Variants in RALYL observed in about 807,000 individuals in gnomAD.
RALYL encodes the protein RALY RNA binding protein like.
RALYL carries 29 observed loss-of-function variants against 35.1 expected under a neutral mutation model. That is an observed-to-expected ratio of 0.83 (90% confidence interval 0.61 to 1.13). The LOEUF (loss-of-function observed/expected upper bound fraction) is 1.13, where lower values mean the gene tolerates loss of function less well. RALYL is among the 50% of genes most tolerant of loss of function. The probability of loss-of-function intolerance (pLI) is 0.00; values close to 1 mark genes in which losing one functional copy is unlikely to be tolerated. For synonymous variants in RALYL, 120 were observed against 127.6 expected, an observed-to-expected ratio of 0.94 and a Z score of 0.40; for missense variants, 359 against 360.4, an observed-to-expected ratio of 1.00 and a Z score of 0.03.
At chr8:84,414,476 G>A (rs536103918) in intron 1 of RALYL, among the ~76,000 whole-genome samples, 23 of 152,274 alleles carry the variant, frequency 1.5e-4, no homozygotes, top group African/African-American at 5.3e-4. Flanking sequence ...AAGAGGTAAA[G>A]TAAATATTTT....
intron 2 of RALYL, among the ~76,000 whole-genome samples, chr8:84,695,295 A>AAATATATACATAATTATTACTTATG (rs1467790972): frequency 2.6e-5 from 4 of 151,766 alleles, no homozygotes; most frequent in African/African-American, 4.8e-5. Context: ...TTTTTATAAT[A>AAATATATACATAATTATTACTTATG]TCCTCTAAGA....
chr8:84,224,801 C>A (rs1024713759), intron 1 of RALYL, among the ~76,000 whole-genome samples: 1 of 151,936 alleles, frequency 6.6e-6, no homozygotes, highest in African/African-American at 2.4e-5. Context: ...GGACTACAGG[C>A]GTGTGCCACC....
At chr8:84,516,769 G>A (rs561395887) in intron 1 of RALYL, among the ~76,000 whole-genome samples, 2 of 152,148 alleles carry the variant, frequency 1.3e-5, no homozygotes, top group South Asian at 2.1e-4. Context: ...TTCAGCTGGG[G>A]ATTCTGGTTT....
At chr8:84,751,915 A>G (rs1003898211) in intron 2 of RALYL, among the ~76,000 whole-genome samples, 2 of 152,180 alleles carry the variant, frequency 1.3e-5, no homozygotes, top group African/African-American at 4.8e-5. Context: ...AGAACAGACT[A>G]ATATAGAAAA....
intron 2 of RALYL, among the ~76,000 whole-genome samples, chr8:84,608,984 A>G (rs1817734751): frequency 6.6e-6 from 1 of 152,098 alleles, no homozygotes; most frequent in Admixed American, 6.6e-5. Flanking sequence ...GAGTTGAAGC[A>G]ATTTGCCCCC....
intron 2 of RALYL, among the ~76,000 whole-genome samples, chr8:84,646,912 TTTTG>T (rs1460774381): frequency 6.6e-6 from 1 of 152,054 alleles, no homozygotes; most frequent in African/African-American, 2.4e-5. Flanking sequence ...TTGATGATGA[TTTTG>T]TTTGTGTTTT....
intron 1 of RALYL, among the ~76,000 whole-genome samples, chr8:84,496,176 A>G (rs1469052897): frequency 6.6e-6 from 1 of 152,122 alleles, no homozygotes; most frequent in Non-Finnish European, 1.5e-5. Flanking sequence ...AGAACTCCAC[A>G]ACTCTACTAA....
chr8:84,243,141 C>T (rs1318227543), intron 1 of RALYL, among the ~76,000 whole-genome samples: 1 of 152,050 alleles, frequency 6.6e-6, no homozygotes, highest in Non-Finnish European at 1.5e-5. Flanking sequence ...GATGTGAAGT[C>T]TTATTTCTGA....
intron 2 of RALYL, among the ~76,000 whole-genome samples, chr8:84,654,678 C>G (rs1286013192): frequency 6.6e-6 from 1 of 152,024 alleles, no homozygotes; most frequent in African/African-American, 2.4e-5. Context: ...TGAGGACATA[C>G]AACATTTATC....
chr8:84,782,176 C>A (rs1171331319), intron 3 of RALYL, among the ~76,000 whole-genome samples: 2 of 152,148 alleles, frequency 1.3e-5, no homozygotes, highest in Admixed American at 1.3e-4. Flanking sequence ...AATTTATCAT[C>A]CTATAAAATT....
intron 1 of RALYL, among the ~76,000 whole-genome samples, chr8:84,197,735 C>G (rs992742715): frequency 1.3e-5 from 2 of 150,720 alleles, no homozygotes; most frequent in African/African-American, 4.9e-5. Flanking sequence ...TTCGAGACTG[C>G]CTGGGCAATA....
intron 3 of RALYL, among the ~76,000 whole-genome samples, chr8:84,774,996 C>G (rs1382801008): frequency 6.6e-6 from 1 of 152,126 alleles, no homozygotes; most frequent in Non-Finnish European, 1.5e-5. Context: ...GTTGCCCAGG[C>G]TGGAGTGCAG....
intron 2 of RALYL, among the ~76,000 whole-genome samples, chr8:84,698,600 T>A (rs1208503901): frequency 6.6e-6 from 1 of 151,972 alleles, no homozygotes; most frequent in Admixed American, 6.6e-5. Context: ...ATGAATTTTA[T>A]ATAGATAAAA....
chr8:84,753,074 G>A (rs1191016129), intron 2 of RALYL, among the ~76,000 whole-genome samples: 4 of 152,104 alleles, frequency 2.6e-5, no homozygotes, highest in Non-Finnish European at 4.4e-5. Flanking sequence ...ATGACAACAG[G>A]GGCAAAACTG....
In RALYL at chr8:84,568,156, G is replaced by A. The variant is rs571801501; in HGVS notation, c.256+38579G>A. ...GTTGGGGTGCTGCACCCATTAACTC[G>A]TCATTTACATTAGGTATATCTCCCT... On this transcript the variant is annotated intron_variant, in intron 2 of 8. Transcript: ENST00000521268. 8.8e-3 allele frequency among the ~76,000 whole-genome samples: 1,279 copies of A among 145,836 alleles called. 11 individuals are homozygous for A. The highest frequency in any genetic ancestry group is 0.014 in the Non-Finnish European group (906 of 66,442).
At chr8:84,230,582 C>G (rs565280619) in intron 1 of RALYL, among the ~76,000 whole-genome samples, 1 of 152,168 alleles carries the variant, frequency 6.6e-6, no homozygotes, top group East Asian at 1.9e-4. Context: ...AGTTATTCTC[C>G]TTAGAATTCT....
intron 1 of RALYL, among the ~76,000 whole-genome samples, chr8:84,202,946 A>C (rs776128003): frequency 3.9e-5 from 6 of 152,202 alleles, no homozygotes; most frequent in Non-Finnish European, 2.9e-5. Flanking sequence ...CATAGGTGAA[A>C]ATTGCTTGAA....
intron 5 of RALYL, among the ~76,000 whole-genome samples, chr8:84,859,743 G>T (rs1298224644): frequency 1.3e-5 from 2 of 152,106 alleles, no homozygotes; most frequent in East Asian, 3.9e-4. Flanking sequence ...CCAGCTACTT[G>T]GGAGGCTGAG....
chr8:84,796,794 A>G (rs2133918356), intron 3 of RALYL, among the ~76,000 whole-genome samples: 1 of 152,374 alleles, frequency 6.6e-6, no homozygotes, highest in East Asian at 1.9e-4. Context: ...ATTATTGCAT[A>G]AACAACAAGC....
Sources: gnomAD v4.1 joint callset for allele counts (sites outside exome capture counted in the v4.1 genomes callset) on GRCh38, gnomAD v4.1.1 for gene constraint, MANE v1.5 for transcripts, NCBI Gene and HGNC (gene_info 2026-07-23, HGNC 2026-07-21) for gene names.